Variants in MRPL45 observed in about 807,000 individuals in gnomAD.
The protein encoded by MRPL45 is large ribosomal subunit protein mL45.
In MRPL45, 20 loss-of-function variants were observed where a neutral mutation model predicts 38.1. The observed-to-expected ratio is 0.53, with a 90% CI of 0.37 to 0.76. The LOEUF (loss-of-function observed/expected upper bound fraction) is 0.76. MRPL45 is among the 30% of genes least tolerant of loss of function. MRPL45 has a pLI of 0.00. For missense variants in MRPL45, 337 were observed against 395.6 expected (o/e 0.85, Z 1.26); for synonymous variants, 105 against 128.8 (o/e 0.82, Z 1.25).
rs1333764983 is a variant in MRPL45 at position 38,299,478 on chromosome 17, T to C, written c.362+10T>C. On this transcript the variant is annotated intron_variant, in intron 3 of 7. Coordinates refer to ENST00000613675, the MANE Select transcript of MRPL45 (RefSeq NM_032351.6). ...TGGCATCACAAGTGTCGTAGGTGTC[T>C]GAGACAATTGGGTATTGGTATTAGA... 1 of 1,575,272 alleles carries C rather than the reference T, an allele frequency of 6.3e-7. No individual in the cohort carries two copies. Among genetic ancestry groups the C allele is most frequent in the African/African-American group, 1.4e-5 (1 of 72,464 alleles).
rs62076038 is a variant in MRPL45, at chr17:38,300,558, G to A, written c.362+1090G>A. Among the ~76,000 whole-genome samples, 411 of 152,194 alleles carry A rather than the reference G, an allele frequency of 2.7e-3. 2 individuals carry two copies. Among genetic ancestry groups the A allele is most frequent in the African/African-American group, 9.2e-3 (382 of 41,528 alleles). On this transcript the variant is annotated intron_variant, in intron 3 of 7. Coordinates refer to ENST00000613675, the MANE Select transcript of MRPL45 (RefSeq NM_032351.6). The stretch of plus-strand genomic sequence containing the variant: ...ATAGGCCACTGTGCCCAGAGTAGCC[G>A]CTGTCACTATATGTAAATCATGTAT...
At chr17:38,318,595 T>C in intron 4 of MRPL45, 92 bp from the exon 5 acceptor site, 1 of 932,496 alleles carries the variant, frequency 1.1e-6, no homozygotes, top group South Asian at 1.4e-5. Flanking sequence ...TTTGTAAAAA[T>C]GAATTGTTTT....
chr17:38,308,309 A>G (rs1286337057), intron 4 of MRPL45, among the ~76,000 whole-genome samples: 1 of 151,966 alleles, frequency 6.6e-6, no homozygotes, highest in Non-Finnish European at 1.5e-5. Context: ...GGTTTTTACC[A>G]TGTTGGCCAG....
At chr17:38,318,584 A>G (rs2037197558) in intron 4 of MRPL45, 103 bp from the exon 5 acceptor site, 9 of 874,156 alleles carry the variant, frequency 1.0e-5, no homozygotes, top group Non-Finnish European at 1.9e-6. Context: ...TGCCGAAAAC[A>G]TTTGTAAAAA....
At chr17:38,311,618 G>A (rs1214026941) in intron 4 of MRPL45, among the ~76,000 whole-genome samples, 1 of 151,174 alleles carries the variant, frequency 6.6e-6, no homozygotes, top group East Asian at 1.9e-4. Context: ...CCCAGGAGGT[G>A]GAGGTTGCAG....
chr17:38,311,383 G>A (rs2037109810), intron 4 of MRPL45, among the ~76,000 whole-genome samples: 1 of 152,028 alleles, frequency 6.6e-6, no homozygotes, highest in South Asian at 2.1e-4. Context: ...TGGGAAGAGT[G>A]CCCTTATAAA....
intron 4 of MRPL45, among the ~76,000 whole-genome samples, chr17:38,312,984 G>GTTTTTTTT (rs71138604): frequency 8.8e-6 from 1 of 113,682 alleles, no homozygotes. Context: ...CTTTTTATTG[G>GTTTTTTTT]TTTTTTTTTT....
chr17:38,315,077 A>G (rs2037160562), intron 4 of MRPL45, among the ~76,000 whole-genome samples: 1 of 152,228 alleles, frequency 6.6e-6, no homozygotes, highest in Admixed American at 6.5e-5. Context: ...ACAGGATGAA[A>G]AATGAGGAAT....
Position 38,298,435 on chromosome 17 carries a change from C to T in MRPL45, c.67-14C>T, listed in dbSNP as rs1357610839. On this transcript the variant is annotated splice_polypyrimidine_tract_variant and intron_variant, in intron 1 of 7. Coordinates refer to ENST00000613675, the MANE Select transcript of MRPL45 (RefSeq NM_032351.6). ...TCTTTTTTCTAGGTTCCTAACCTTTCCTTTACCTTCCAGCCAGTTCTGGTG... is the reference window on the plus strand; with the variant it reads ...TCTTTTTTCTAGGTTCCTAACCTTTTCTTTACCTTCCAGCCAGTTCTGGTG... 2 of 1,562,886 alleles carry T rather than the reference C, an allele frequency of 1.3e-6. No homozygotes were observed. Among genetic ancestry groups the T allele is most frequent in the East Asian group, 4.5e-5 (2 of 44,632 alleles).
At chr17:38,308,309 A>T (rs1286337057) in intron 4 of MRPL45, among the ~76,000 whole-genome samples, 1 of 151,966 alleles carries the variant, frequency 6.6e-6, no homozygotes, top group East Asian at 1.9e-4. Flanking sequence ...GGTTTTTACC[A>T]TGTTGGCCAG....
chr17:38,320,495 C>T, intron 5 of MRPL45, 123 bp from the exon 6 acceptor site: 1 of 962,368 alleles, frequency 1.0e-6, no homozygotes, highest in Admixed American at 2.1e-5. Context: ...CACAAGAGAG[C>T]ATGTGGTGGG....
At chr17:38,308,543 C>T (rs1024515454) in intron 4 of MRPL45, among the ~76,000 whole-genome samples, 12 of 152,012 alleles carry the variant, frequency 7.9e-5, no homozygotes, top group Non-Finnish European at 1.6e-4. Context: ...CAGATTCAAG[C>T]AATTCTCCTG....
chr17:38,322,920 T>C lies in MRPL45; in HGVS notation c.*325T>C, dbSNP rs1218102226. On this transcript the variant is annotated 3_prime_UTR_variant, in exon 8 of 8. Transcript: ENST00000613675. ...GAGAGACAACCAGCAGCATCCTCTT[T>C]GTAATCACAGGGCAGGGATCAGAGT... 3.7e-6 allele frequency: 1 copy of C among 268,352 alleles called. No individual in the cohort carries two copies. The highest frequency in any genetic ancestry group is 7.2e-6 in the Non-Finnish European group (1 of 139,566). The allele number at this position is 268,352 out of a possible 1,614,324, so 16.6% of individuals were successfully genotyped here. A position where few individuals can be genotyped will look rare whatever the true frequency, so the allele number is the denominator to read the frequency against.
intron 3 of MRPL45, among the ~76,000 whole-genome samples, chr17:38,300,040 CTTTA>C (rs531265363): frequency 2.0e-5 from 3 of 149,884 alleles, no homozygotes; most frequent in Non-Finnish European, 3.0e-5. Flanking sequence ...ACGCCCAGCC[CTTTA>C]TTTATTTATT....
At chr17:38,318,827 CTTTTTTT>C (rs71138606) in intron 5 of MRPL45, 92 bp downstream of exon 5, 1 of 119,792 alleles carries the variant, frequency 8.3e-6, no homozygotes. Flanking sequence ...CTTTTCTTTT[CTTTTTTT>C]TTTTTTTTTT....
At position 38,316,443 on chromosome 17, in the gene MRPL45, A is replaced by G. The variant is rs1170807043; in HGVS notation, c.462-2244A>G. On this transcript the variant is annotated intron_variant, in intron 4 of 7. Transcript: ENST00000613675. ...CATGGTTTCCTTTAGCTCATTGGAC[A>G]TATTTAGGACAATTGATTTGTGTCT... Among the ~76,000 whole-genome samples the G allele has an allele frequency of 3.9e-5, 6 of 152,162 alleles. No homozygotes were observed. In the South Asian group the frequency reaches 1.0e-3, roughly 26 times the overall value.
At chr17:38,313,339 TATATATAC>T (rs2037140721) in intron 4 of MRPL45, among the ~76,000 whole-genome samples, 7 of 19,108 alleles carry the variant, frequency 3.7e-4, no homozygotes, top group African/African-American at 1.5e-3. Context: ...TATACATATA[TATATATAC>T]GTATATATAT....
At chr17:38,311,357 G>GT (rs2037109622) in intron 4 of MRPL45, among the ~76,000 whole-genome samples, 1 of 152,170 alleles carries the variant, frequency 6.6e-6, no homozygotes, top group South Asian at 2.1e-4. Context: ...GGTCCTGAGA[G>GT]TGGAGCCCTC....
At chr17:38,320,279 A>C (rs2037216805) in intron 5 of MRPL45, among the ~76,000 whole-genome samples, 1 of 152,184 alleles carries the variant, frequency 6.6e-6, no homozygotes, top group African/African-American at 2.4e-5. Context: ...AAGTACATGC[A>C]ATAATTGCCA....
Sources: allele counts gnomAD v4.1 joint callset (sites outside exome capture counted in the v4.1 genomes callset), GRCh38; gene constraint gnomAD v4.1.1; transcripts MANE v1.5; gene names NCBI Gene and HGNC (gene_info 2026-07-23, HGNC 2026-07-21).